Variants in LINC00305 observed in about 807,000 individuals in gnomAD.
LINC00305 encodes the protein long independently transcribed non-coding RNA 305, also known as long intergenic non-protein coding RNA 305.
At chr18:64,091,415 C>T (rs2051224568) in intron 3 of LINC00305, among the ~76,000 whole-genome samples, 1 of 152,210 alleles carries the variant, frequency 6.6e-6, no homozygotes, top group Non-Finnish European at 1.5e-5. Flanking sequence ...CGTTGGACTT[C>T]ATGTGCAAAA....
intron 1 of LINC00305, among the ~76,000 whole-genome samples, chr18:64,115,961 A>G (rs539995622): frequency 6.6e-6 from 1 of 152,166 alleles, no homozygotes; most frequent in African/African-American, 2.4e-5. Flanking sequence ...TCCTGTCCTC[A>G]AGATAGGAGA....
At chr18:64,144,807 G>T (rs549130545) in intron 1 of LINC00305, among the ~76,000 whole-genome samples, 1 of 152,292 alleles carries the variant, frequency 6.6e-6, no homozygotes, top group East Asian at 1.9e-4. Flanking sequence ...AGCAGCGCGG[G>T]ATGTGCTTCC....
chr18:64,102,064 G>A (rs1482244929), intron 1 of LINC00305, among the ~76,000 whole-genome samples: 2 of 152,064 alleles, frequency 1.3e-5, no homozygotes, highest in Admixed American at 6.5e-5. Context: ...TTCACAAACC[G>A]ACAACATCAT....
At chr18:64,134,457 C>T (rs549638621) in intron 1 of LINC00305, among the ~76,000 whole-genome samples, 34 of 152,138 alleles carry the variant, frequency 2.2e-4, no homozygotes, top group Admixed American at 1.5e-3. Context: ...TTGTTTTTTT[C>T]TGGAGCAATG....
At chr18:64,089,083 A>G (rs1314815124) in intron 3 of LINC00305, among the ~76,000 whole-genome samples, 1 of 152,172 alleles carries the variant, frequency 6.6e-6, no homozygotes, top group Non-Finnish European at 1.5e-5. Flanking sequence ...AGAGACTGAT[A>G]TGGTTTGATT....
At chr18:64,100,106 G>T (rs2051262216) in intron 1 of LINC00305, among the ~76,000 whole-genome samples, 1 of 151,970 alleles carries the variant, frequency 6.6e-6, no homozygotes, top group Admixed American at 6.6e-5. Flanking sequence ...AAAGCTGGCT[G>T]GCTAACTCCA....
chr18:64,142,426 C>T (rs1017936459), intron 1 of LINC00305, among the ~76,000 whole-genome samples: 57 of 152,112 alleles, frequency 3.7e-4, no homozygotes, highest in African/African-American at 1.3e-3. Context: ...ATTGTATTTA[C>T]CAGAGGATTG....
intron 3 of LINC00305, among the ~76,000 whole-genome samples, chr18:64,094,600 C>A (rs1197269416): frequency 6.6e-6 from 1 of 152,134 alleles, no homozygotes; most frequent in Non-Finnish European, 1.5e-5. Context: ...GCCAAGCTCA[C>A]ACCTGTAATC....
At chr18:64,144,151 C>T (rs773600192) in intron 1 of LINC00305, among the ~76,000 whole-genome samples, 7 of 152,110 alleles carry the variant, frequency 4.6e-5, no homozygotes, top group Non-Finnish European at 7.4e-5. Context: ...ATCTACCTTG[C>T]TTATTGTTTT....
intron 1 of LINC00305, among the ~76,000 whole-genome samples, chr18:64,136,031 G>A (rs1292752543): frequency 2.6e-5 from 4 of 152,178 alleles, no homozygotes; most frequent in South Asian, 2.1e-4. Flanking sequence ...GCCCAGCTCC[G>A]ACCAGGTGCT....
intron 1 of LINC00305, among the ~76,000 whole-genome samples, chr18:64,115,481 G>A (rs1325107522): frequency 6.6e-6 from 1 of 152,124 alleles, no homozygotes; most frequent in Non-Finnish European, 1.5e-5. Flanking sequence ...TGGGGAGGCT[G>A]CTTATGGGGG....
At chr18:64,116,900 C>T (rs1465451160) in intron 1 of LINC00305, among the ~76,000 whole-genome samples, 1 of 152,154 alleles carries the variant, frequency 6.6e-6, no homozygotes, top group East Asian at 1.9e-4. Flanking sequence ...AAATGGTCCC[C>T]TTCTGAGGGA....
chr18:64,133,117 A>T (rs530379049), intron 1 of LINC00305, among the ~76,000 whole-genome samples: 1 of 152,172 alleles, frequency 6.6e-6, no homozygotes, highest in African/African-American at 2.4e-5. Flanking sequence ...GAGAAGCCTC[A>T]GAGGGAAGTC....
intron 1 of LINC00305, among the ~76,000 whole-genome samples, chr18:64,126,308 A>G (rs1337917882): frequency 1.3e-5 from 2 of 152,096 alleles, no homozygotes; most frequent in Middle Eastern, 3.4e-3. Flanking sequence ...TTCCTTTATT[A>G]TTTTCTATAT....
intron 3 of LINC00305, among the ~76,000 whole-genome samples, chr18:64,080,765 A>G (rs562658143): frequency 1.3e-5 from 2 of 152,318 alleles, no homozygotes; most frequent in South Asian, 2.1e-4. Flanking sequence ...TTTAAAATAT[A>G]TAATTGCATA....
At chr18:64,098,235 G>C (rs2051254055) in intron 2 of LINC00305, among the ~76,000 whole-genome samples, 1 of 152,176 alleles carries the variant, frequency 6.6e-6, no homozygotes, top group Admixed American at 6.5e-5. Context: ...GCCTTCGTAA[G>C]CGATTCATAA....
chr18:64,083,044 TG>T (rs149660821), intron 3 of LINC00305, among the ~76,000 whole-genome samples: 2,210 of 152,316 alleles, frequency 0.015, 60 homozygotes, highest in African/African-American at 0.05. Flanking sequence ...TCCATTAAAT[TG>T]TCCCTTACCT....
chr18:64,117,218 C>A (rs1489265301), intron 1 of LINC00305, among the ~76,000 whole-genome samples: 2 of 152,192 alleles, frequency 1.3e-5, no homozygotes, highest in South Asian at 2.1e-4. Context: ...CCTTATGGAA[C>A]TTTGTGACTT....
chr18:64,093,432 T>A (rs7238726), intron 3 of LINC00305, among the ~76,000 whole-genome samples: 10,319 of 152,272 alleles, frequency 0.068, 518 homozygotes, highest in Non-Finnish European at 0.11. Context: ...CCTCCTGGGT[T>A]CAAGCAATTC....
Sources: allele counts gnomAD v4.1 joint callset (sites outside exome capture counted in the v4.1 genomes callset), GRCh38; gene constraint gnomAD v4.1.1; transcripts MANE v1.5; gene names NCBI Gene and HGNC (gene_info 2026-07-23, HGNC 2026-07-21).